The following IL6R variants were observed in gnomAD, a reference collection of about 807,000 sequenced individuals.
IL6R encodes interleukin 6 receptor.
Under a neutral mutation model 48.3 loss-of-function variants are expected in IL6R, and 38 were observed. The observed-to-expected ratio is 0.79, with a 90% CI of 0.61 to 1.03. The LOEUF is 1.03. Ranked by LOEUF, IL6R falls within the 50% of genes least tolerant of loss-of-function variation. The pLI is 0.00. For missense variants in IL6R, 534 were observed against 618.3 expected (o/e 0.86, Z 1.45); for synonymous variants, 264 against 256.2 (o/e 1.03, Z -0.29).
At chr1:154,415,348 T>A (rs1688273256) in intron 1 of IL6R, among the ~76,000 whole-genome samples, 1 of 152,250 alleles carries the variant, frequency 6.6e-6, no homozygotes, top group Non-Finnish European at 1.5e-5. Context: ...GCTTTTTCTT[T>A]CCAGTTGTCA....
intron 1 of IL6R, among the ~76,000 whole-genome samples, chr1:154,420,347 CA>C: frequency 6.6e-6 from 1 of 152,066 alleles, no homozygotes; most frequent in African/African-American, 2.4e-5. Context: ...TCTGAATCCT[CA>C]TTTCACAGAG....
chr1:154,418,890 C>A (rs534852431), intron 1 of IL6R, among the ~76,000 whole-genome samples: 4 of 152,126 alleles, frequency 2.6e-5, no homozygotes, highest in African/African-American at 9.7e-5. Flanking sequence ...CTGACCCCCC[C>A]TTGTGCACAC....
Position 154,466,195 on chromosome 1 carries a change from G to A in IL6R, c.*815G>A, listed in dbSNP as rs1691546406. 6.6e-6 allele frequency: 1 copy of A among 152,442 alleles called. No homozygotes were observed. The highest frequency in any genetic ancestry group is 1.5e-5 in the Non-Finnish European group (1 of 68,070). 9.4% of individuals were successfully genotyped at this position (152,442 alleles called of 1,614,324 possible). A position where few individuals can be genotyped will look rare whatever the true frequency, so the allele number is the denominator to read the frequency against. ...CTCTACCATCCCCTGTAGAGTGGGA[G>A]CTGAGTGGGGGATCACAGCCTCTGA... On this transcript the variant is annotated 3_prime_UTR_variant, in exon 10 of 10. Transcript: ENST00000368485.
chr1:154,409,643 A>G (rs1687917953), intron 1 of IL6R, among the ~76,000 whole-genome samples: 1 of 152,044 alleles, frequency 6.6e-6, no homozygotes, highest in Non-Finnish European at 1.5e-5. Flanking sequence ...TCATTCATTC[A>G]CTCCAAAAAT....
rs942363387 is a variant in IL6R, at chr1:154,454,364, G to A, written c.1067-124G>A. 2.6e-5 allele frequency: 17 copies of A among 647,512 alleles called. No individual in the cohort carries two copies. The African/African-American group carries it at 2.7e-4, about 10-fold the overall frequency. 40.1% of individuals were successfully genotyped at this position (647,512 alleles called of 1,614,324 possible). On this transcript the variant is annotated intron_variant, in intron 8 of 9. Coordinates refer to ENST00000368485, the MANE Select transcript of IL6R (RefSeq NM_000565.4). ...AGCTGTTTCATTTTCTGGGAGGGGG[G>A]TTGGAGGGGAAGGTTCCTTTGAGGC...
Position 154,425,624 on chromosome 1 carries a change from T to C in IL6R, c.86-3572T>C, listed in dbSNP as rs929027750. 2.1e-5 allele frequency among the ~76,000 whole-genome samples: 3 copies of C among 145,160 alleles called. No individual in the cohort carries two copies. In the East Asian group the frequency reaches 6.2e-4, roughly 30 times the overall value. ...ACCTCATCTCTCAAAAAAAAAAATATACAGCCAGTCATGGTAGCATGTACC... is the reference window on the plus strand; with the variant it reads ...ACCTCATCTCTCAAAAAAAAAAATACACAGCCAGTCATGGTAGCATGTACC... On this transcript the variant is annotated intron_variant, in intron 1 of 9. Coordinates refer to ENST00000368485, the MANE Select transcript of IL6R (RefSeq NM_000565.4).
chr1:154,430,421 C>T (rs955871565), intron 2 of IL6R, 62 bp from the exon 3 acceptor site: 10 of 1,588,518 alleles, frequency 6.3e-6, no homozygotes, highest in East Asian at 4.5e-5. Context: ...GCCCTGTCTG[C>T]GAGGTCAGTG....
In IL6R at chr1:154,405,576, C is replaced by A; in HGVS notation, c.-54C>A. 2 of 936,668 alleles carry A rather than the reference C, an allele frequency of 2.1e-6. No homozygotes were observed. The highest frequency in any genetic ancestry group is 3.1e-5 in the Admixed American group (1 of 31,876). The allele number at this position is 936,668 out of a possible 1,614,324, so 58.0% of individuals were successfully genotyped here. ...CCCCTGCCACCCCTGCCGCCCGGTT[C>A]CCATTAGCCTGTCCGCCTCTGCGGG... On this transcript the variant is annotated 5_prime_UTR_variant, in exon 1 of 10. Coordinates refer to ENST00000368485, the MANE Select transcript of IL6R (RefSeq NM_000565.4). This position sits in a 1 kb window ranked among gnomAD's most constrained non-coding sequence, Gnocchi z 5.2.
chr1:154,426,193 C>CACACACACACACACAT (rs1301289799), intron 1 of IL6R, among the ~76,000 whole-genome samples: 2 of 149,140 alleles, frequency 1.3e-5, no homozygotes, highest in African/African-American at 4.9e-5. Context: ...CACACACACA[C>CACACACACACACACAT]ATATATACAC....
intron 1 of IL6R, among the ~76,000 whole-genome samples, chr1:154,427,575 G>A (rs1689048362): frequency 6.6e-6 from 1 of 152,180 alleles, no homozygotes; most frequent in South Asian, 2.1e-4. Flanking sequence ...GAGGGTGCCA[G>A]GGAGGAGGAC....
chr1:154,409,459 A>T (rs1287698260), intron 1 of IL6R, among the ~76,000 whole-genome samples: 1 of 152,220 alleles, frequency 6.6e-6, no homozygotes, highest in African/African-American at 2.4e-5. Flanking sequence ...AGTAAAAATG[A>T]TAACACCTTG....
chr1:154,427,295 AG>A (rs1200494061), intron 1 of IL6R, among the ~76,000 whole-genome samples: 1 of 152,132 alleles, frequency 6.6e-6, no homozygotes, highest in Non-Finnish European at 1.5e-5. Flanking sequence ...CCGTTTCTCA[AG>A]GGCAGGTCTC....
chr1:154,435,396 G>T (rs947930451), intron 5 of IL6R, among the ~76,000 whole-genome samples: 1 of 151,966 alleles, frequency 6.6e-6, no homozygotes, highest in African/African-American at 2.4e-5. Context: ...CTGTATCCCA[G>T]CTATTCGGGG....
chr1:154,457,801 C>T (rs1440289441), intron 9 of IL6R, among the ~76,000 whole-genome samples: 1 of 152,106 alleles, frequency 6.6e-6, no homozygotes, highest in Non-Finnish European at 1.5e-5. Context: ...TGCACTCTGT[C>T]CTTTCTACAT....
At chr1:154,463,332 C>T (rs1295076739) in intron 9 of IL6R, among the ~76,000 whole-genome samples, 2 of 152,196 alleles carry the variant, frequency 1.3e-5, no homozygotes, top group Non-Finnish European at 2.9e-5. Context: ...GGGCTCTCTT[C>T]CTGTGTGGTG....
In IL6R at chr1:154,447,441, AAAAAAAAAAAAAAATATATATATATAT is replaced by A. The variant is rs1280680741; in HGVS notation, c.950-682_950-656del. ...GCAAAAGAGTGAAACTCCATCTCAA[AAAAAAAAAAAAAAATATATATATATAT>A]ATATATATACACACACACACACACA... is the stretch of plus-strand genomic sequence containing the variant. On this transcript the variant is annotated intron_variant, in intron 6 of 9. Transcript: ENST00000368485. 1.2e-3 allele frequency among the ~76,000 whole-genome samples: 72 copies of A among 60,744 alleles called. 4 individuals carry two copies. Among genetic ancestry groups the A allele is most frequent in the African/African-American group, 4.3e-3 (59 of 13,832 alleles). 39.9% of individuals were successfully genotyped at this position (60,744 alleles called of 152,430 possible).
chr1:154,435,903 C>T, intron 5 of IL6R, 66 bp from the exon 6 acceptor site: 1 of 1,422,020 alleles, frequency 7.0e-7, no homozygotes, highest in South Asian at 1.4e-5. Context: ...CACCAACCCA[C>T]TGGGGTGCTA....
At chr1:154,443,813 T>G (rs183025540) in intron 6 of IL6R, among the ~76,000 whole-genome samples, 3 of 152,314 alleles carry the variant, frequency 2.0e-5, no homozygotes, top group Admixed American at 2.0e-4. Context: ...TTTGGATTCA[T>G]GTCTTCAACT....
At position 154,450,102 on chromosome 1, in the gene IL6R, T is replaced by TTGTGTGTG. The variant is rs762323280; in HGVS notation, c.1066+123_1066+124insGTGTGTGT. ...CAATCACAGATCAATCGCAGAAATG[T>TTGTGTGTG]TCTGTGTGTGTGTGTGTGTGTGTGT... On this transcript the variant is annotated intron_variant, in intron 8 of 9. Coordinates refer to ENST00000368485, the MANE Select transcript of IL6R (RefSeq NM_000565.4). The TTGTGTGTG allele has an allele frequency of 8.8e-5, 41 of 463,472 alleles. 1 individual carries two copies. In the East Asian group the frequency reaches 1.3e-3, roughly 14 times the overall value. The allele number at this position is 463,472 out of a possible 1,614,324, so 28.7% of individuals were successfully genotyped here.
Sources: allele counts gnomAD v4.1 joint callset (sites outside exome capture counted in the v4.1 genomes callset), GRCh38; gene constraint gnomAD v4.1.1; non-coding constraint Gnocchi (gnomAD v3.1); transcripts MANE v1.5; gene names NCBI Gene and HGNC (gene_info 2026-07-23, HGNC 2026-07-21).